MBOAT2: variants seen among roughly 807,000 people sequenced by gnomAD.
MBOAT2 encodes the protein membrane bound glycerophospholipid O-acyltransferase 2, also known as membrane-bound glycerophospholipid O-acyltransferase 2.
MBOAT2 carries 28 observed loss-of-function variants against 63.4 expected under a neutral mutation model. The observed-to-expected ratio is 0.44, with a 90% CI of 0.33 to 0.61. The LOEUF is 0.61. MBOAT2 is among the 20% of genes least tolerant of loss of function. The pLI is 0.03. For missense variants in MBOAT2, 470 were observed against 605.8 expected, an observed-to-expected ratio of 0.78 and a Z score of 2.35; for synonymous variants, 211 against 215.6, an observed-to-expected ratio of 0.98 and a Z score of 0.19.
rs113226708 is a variant in MBOAT2, at chr2:8,923,001, G to A, written c.300-14285C>T. On this transcript the variant is annotated intron_variant, in intron 3 of 12. Coordinates refer to ENST00000305997, the MANE Select transcript of MBOAT2 (RefSeq NM_138799.4). ...AAAATTATAGTGGTAAGGGAGATCT[G>A]ACATAACTGACTCAAGCTTGCTTCT... 1.3e-3 allele frequency among the ~76,000 whole-genome samples: 199 copies of A among 152,328 alleles called. 1 individual carries two copies. The highest frequency in any genetic ancestry group is 4.5e-3 in the African/African-American group (189 of 41,586).
At chr2:8,885,621 G>A (rs1663493691) in intron 5 of MBOAT2, among the ~76,000 whole-genome samples, 1 of 152,150 alleles carries the variant, frequency 6.6e-6, no homozygotes, top group Non-Finnish European at 1.5e-5. Context: ...CAGACTTCAT[G>A]AGCAAACATG....
At chr2:8,945,819 A>AT (rs1231849885) in intron 2 of MBOAT2, among the ~76,000 whole-genome samples, 1 of 152,144 alleles carries the variant, frequency 6.6e-6, no homozygotes, top group Non-Finnish European at 1.5e-5. Context: ...CATAAGGTTT[A>AT]TTTTTAGAAA....
intron 6 of MBOAT2, 62 bp from the exon 7 acceptor site, chr2:8,877,275 T>C: frequency 1.4e-6 from 2 of 1,473,144 alleles, no homozygotes; most frequent in Admixed American, 4.2e-5. Context: ...TCTGATAGAA[T>C]AACGATCCAC....
chr2:8,870,924 G>T (rs151185468), intron 8 of MBOAT2, among the ~76,000 whole-genome samples: 2 of 152,104 alleles, frequency 1.3e-5, no homozygotes, highest in Non-Finnish European at 2.9e-5. Context: ...AAATATTGGG[G>T]TCGGAGGATC....
chr2:8,926,217 C>A (rs978209630), intron 3 of MBOAT2, among the ~76,000 whole-genome samples: 1 of 152,162 alleles, frequency 6.6e-6, no homozygotes, highest in Admixed American at 6.5e-5. Flanking sequence ...AAGCCTTGAC[C>A]TCCTGGGCTC....
chr2:8,942,149 C>A (rs1303720892), intron 3 of MBOAT2, among the ~76,000 whole-genome samples: 1 of 152,132 alleles, frequency 6.6e-6, no homozygotes, highest in African/African-American at 2.4e-5. Flanking sequence ...AAAGTCAGTG[C>A]AGGCAATGTC....
intron 1 of MBOAT2, among the ~76,000 whole-genome samples, chr2:8,961,103 A>T (rs1280854991): frequency 1.3e-5 from 2 of 152,206 alleles, no homozygotes; most frequent in African/African-American, 4.8e-5. Flanking sequence ...CCACCTCTAC[A>T]TATCCAGAAC....
At chr2:8,869,006 T>C (rs1297071202) in intron 8 of MBOAT2, among the ~76,000 whole-genome samples, 1 of 152,198 alleles carries the variant, frequency 6.6e-6, no homozygotes, top group East Asian at 1.9e-4. Flanking sequence ...TTCCATTTTT[T>C]TTCTTTCTTG....
intron 1 of MBOAT2, among the ~76,000 whole-genome samples, chr2:8,982,404 A>C (rs1671258573): frequency 1.3e-5 from 2 of 152,228 alleles, no homozygotes; most frequent in South Asian, 4.1e-4. Context: ...CAAAAATGCT[A>C]ATTCATAAAA....
chr2:8,903,261 G>C (rs1381746556), intron 4 of MBOAT2, among the ~76,000 whole-genome samples: 1 of 152,074 alleles, frequency 6.6e-6, no homozygotes, highest in African/African-American at 2.4e-5. Context: ...AGATCACATG[G>C]TCTATCACTT....
At chr2:8,875,592 G>C (rs941590138) in intron 7 of MBOAT2, among the ~76,000 whole-genome samples, 3 of 152,214 alleles carry the variant, frequency 2.0e-5, no homozygotes, top group Non-Finnish European at 4.4e-5. Context: ...ATTAAGTGAT[G>C]TGCCGAAATG....
chr2:8,985,448 A>G (rs927531156), intron 1 of MBOAT2, among the ~76,000 whole-genome samples: 1 of 152,204 alleles, frequency 6.6e-6, no homozygotes, highest in African/African-American at 2.4e-5. Context: ...TCACATCTTC[A>G]ATGGTCTACA....
At chr2:8,942,121 G>C (rs568727219) in intron 3 of MBOAT2, among the ~76,000 whole-genome samples, 26 of 152,266 alleles carry the variant, frequency 1.7e-4, no homozygotes, top group Non-Finnish European at 2.9e-4. Context: ...GTAAGGGTTG[G>C]TTTACAGAGG....
intron 3 of MBOAT2, 74 bp from the exon 4 acceptor site, chr2:8,908,790 A>G (rs1558602192): frequency 6.2e-6 from 5 of 810,896 alleles, no homozygotes; most frequent in Non-Finnish European, 2.1e-6. Context: ...AAAGTAATTT[A>G]TTAGCTAAAT....
chr2:8,935,817 T>G (rs1667622679), intron 3 of MBOAT2, among the ~76,000 whole-genome samples: 3 of 152,218 alleles, frequency 2.0e-5, no homozygotes, highest in Non-Finnish European at 4.4e-5. Flanking sequence ...CTCCAACCAG[T>G]GCCCATAAAA....
At chr2:8,935,255 A>T (rs1667578819) in intron 3 of MBOAT2, among the ~76,000 whole-genome samples, 1 of 152,192 alleles carries the variant, frequency 6.6e-6, no homozygotes, top group Non-Finnish European at 1.5e-5. Flanking sequence ...ATCTGTTTGG[A>T]AATCTCTTAC....
chr2:8,869,331 G>A (rs997327668), intron 8 of MBOAT2, among the ~76,000 whole-genome samples: 71 of 151,810 alleles, frequency 4.7e-4, no homozygotes, highest in Middle Eastern at 3.4e-3. Flanking sequence ...TCAGGCAAGA[G>A]CTACCGCACC....
intron 3 of MBOAT2, among the ~76,000 whole-genome samples, chr2:8,937,517 G>T (rs1472801673): frequency 6.6e-6 from 1 of 152,180 alleles, no homozygotes; most frequent in Non-Finnish European, 1.5e-5. Flanking sequence ...CTGAAGGAAA[G>T]GAACACAATT....
chr2:9,002,616 C>T (rs1672779230), intron 1 of MBOAT2, among the ~76,000 whole-genome samples: 1 of 152,068 alleles, frequency 6.6e-6, no homozygotes, highest in Non-Finnish European at 1.5e-5. Context: ...CACCCCCGCC[C>T]CCCAGCCCCC....
Sources: gnomAD v4.1 joint callset for allele counts (sites outside exome capture counted in the v4.1 genomes callset) on GRCh38, gnomAD v4.1.1 for gene constraint, MANE v1.5 for transcripts, NCBI Gene and HGNC (gene_info 2026-07-23, HGNC 2026-07-21) for gene names.